The following NAA30 variants were observed in gnomAD, a reference collection of about 807,000 sequenced individuals.
The protein encoded by NAA30 is N-alpha-acetyltransferase 30.
NAA30 carries 5 observed loss-of-function variants against 31.4 expected under a neutral mutation model. That is an observed-to-expected ratio of 0.16 (90% confidence interval 0.08 to 0.33). The LOEUF is 0.33. Among genes scored for constraint, NAA30 ranks in the 10% least tolerant of loss-of-function variants. NAA30 has a pLI of 1.00. For synonymous variants in NAA30, 222 were observed against 207.1 expected (o/e 1.07, Z -0.62); for missense variants, 428 against 490.8 (o/e 0.87, Z 1.21).
At chr14:57,392,704 T>A (rs1462807365) in intron 2 of NAA30, among the ~76,000 whole-genome samples, 1 of 152,224 alleles carries the variant, frequency 6.6e-6, no homozygotes, top group African/African-American at 2.4e-5. Context: ...GACATCCTTT[T>A]AAGGAATATT....
At chr14:57,392,368 T>C in intron 2 of NAA30, among the ~76,000 whole-genome samples, 1 of 152,132 alleles carries the variant, frequency 6.6e-6, no homozygotes, top group Non-Finnish European at 1.5e-5. Flanking sequence ...AATACCCTTT[T>C]GTGGAATGTA....
At chr14:57,408,364 A>T (rs2066508976) in intron 4 of NAA30, among the ~76,000 whole-genome samples, 1 of 152,194 alleles carries the variant, frequency 6.6e-6, no homozygotes, top group Non-Finnish European at 1.5e-5. Flanking sequence ...AGGGTGTTAG[A>T]GGGAGGTAAA....
At position 57,404,278 on chromosome 14, in the gene NAA30, C is replaced by T. The variant is rs543302177; in HGVS notation, c.951+4395C>T. 1.3e-4 allele frequency among the ~76,000 whole-genome samples: 20 copies of T among 152,150 alleles called. No individual in the cohort carries two copies. The South Asian group carries it at 2.1e-3, about 16-fold the overall frequency. ...TGGAGGTTGCAGTGAGCCGAGATCG[C>T]GCCATTGCACTCCAGCCTGGGGGCC... On this transcript the variant is annotated intron_variant, in intron 4 of 4. Transcript: ENST00000556492.
chr14:57,407,979 G>C (rs1313231281), intron 4 of NAA30, among the ~76,000 whole-genome samples: 2 of 152,142 alleles, frequency 1.3e-5, no homozygotes, highest in African/African-American at 4.8e-5. Flanking sequence ...TGACTCCTGG[G>C]TTTCAGGTTT....
At chr14:57,392,285 G>T (rs1279843870) in intron 2 of NAA30, among the ~76,000 whole-genome samples, 2 of 152,100 alleles carry the variant, frequency 1.3e-5, no homozygotes, top group African/African-American at 4.8e-5. Flanking sequence ...TAGCCAGCCT[G>T]CTTTCTGGTA....
chr14:57,404,680 G>A (rs994107440), intron 4 of NAA30, among the ~76,000 whole-genome samples: 1 of 152,186 alleles, frequency 6.6e-6, no homozygotes, highest in African/African-American at 2.4e-5. Context: ...ACATGGCTGG[G>A]GAAGCCTCAA....
In NAA30 at chr14:57,391,386, T is replaced by C. The variant is rs749384592; in HGVS notation, c.429T>C (p.Ser143=). The part of the protein sequence containing the change: ...HSGERPPHSL[S]SNARTAVPSP... ...GCGAGAGGCCCCCTCACTCCCTCTCTAGTAATGCAAGAACTGCGGTCCCCA... is the reference window on the plus strand; with the variant it reads ...GCGAGAGGCCCCCTCACTCCCTCTCCAGTAATGCAAGAACTGCGGTCCCCA... Residue 143 remains serine, a synonymous_variant, in exon 2 of 5, where the codon TCT becomes TCC. Transcript: ENST00000556492. The surrounding 1 kb of genome is among the most constrained non-coding windows in gnomAD (Gnocchi z 4.1). 4.3e-6 allele frequency: 7 copies of C among 1,609,744 alleles called. No individual in the cohort carries two copies. The African/African-American group carries it at 8.0e-5, about 18-fold the overall frequency.
chr14:57,409,585 GA>G lies in NAA30; in HGVS notation c.*71del. The G allele has an allele frequency of 1.4e-6, 2 of 1,443,700 alleles. No individual in the cohort carries two copies. The highest frequency in any genetic ancestry group is 1.8e-6 in the Non-Finnish European group (2 of 1,082,416). The allele number at this position is 1,443,700 out of a possible 1,614,324, so 89.4% of individuals were successfully genotyped here. ...CTTTGCATGCAATGCAATTTGTACA[GA>G]ATTGCTTTGCAGGTGGATTTAGTAA... On this transcript the variant is annotated 3_prime_UTR_variant, in exon 5 of 5. Transcript: ENST00000556492.
chr14:57,392,660 A>G (rs897000580), intron 2 of NAA30, among the ~76,000 whole-genome samples: 1 of 152,228 alleles, frequency 6.6e-6, no homozygotes, highest in Non-Finnish European at 1.5e-5. Flanking sequence ...GCTCACAAGC[A>G]TATTGTTTCT....
intron 4 of NAA30, among the ~76,000 whole-genome samples, chr14:57,404,994 A>G (rs1345370436): frequency 6.6e-6 from 1 of 152,112 alleles, no homozygotes; most frequent in Non-Finnish European, 1.5e-5. Context: ...TATTTTTACT[A>G]GACAGTTTCT....
Position 57,409,627 on chromosome 14 carries a change from T to TA in NAA30, c.*112dup. 9.6e-7 allele frequency: 1 copy of TA among 1,038,016 alleles called. No individual in the cohort carries two copies. Among genetic ancestry groups the TA allele is most frequent in the Non-Finnish European group, 1.3e-6 (1 of 742,164 alleles). The allele number at this position is 1,038,016 out of a possible 1,614,324, so 64.3% of individuals were successfully genotyped here. ...GATTTAGTAATTTCCATGCAGCTCTTACCTGTCAGTGTCTCATTGAGTGTC... is the reference window on the plus strand; with the variant it reads ...GATTTAGTAATTTCCATGCAGCTCTTAACCTGTCAGTGTCTCATTGAGTGTC... On this transcript the variant is annotated 3_prime_UTR_variant, in exon 5 of 5. Coordinates refer to ENST00000556492, the MANE Select transcript of NAA30 (RefSeq NM_001011713.3).
Position 57,391,260 on chromosome 14 carries a change from C to T in NAA30, c.303C>T (p.Leu101=). Residue 101 remains leucine (L), a synonymous_variant, in exon 2 of 5, where the codon CTC becomes CTT. Coordinates refer to ENST00000556492, the MANE Select transcript of NAA30 (RefSeq NM_001011713.3). The surrounding 1 kb of genome is among the most constrained non-coding windows in gnomAD (Gnocchi z 4.1). The part of the protein sequence containing the change: ...ELRHLRAAAS[L]KSKVLSVAEV... ...GGCACCTCCGGGCGGCCGCCTCCCTCAAGAGCAAGGTCCTGAGCGTAGCAG... is the reference window on the plus strand; with the variant it reads ...GGCACCTCCGGGCGGCCGCCTCCCTTAAGAGCAAGGTCCTGAGCGTAGCAG... 1 of 1,612,088 alleles carries T rather than the reference C, an allele frequency of 6.2e-7. No individual in the cohort carries two copies. Among genetic ancestry groups the T allele is most frequent in the Non-Finnish European group, 8.5e-7 (1 of 1,179,708 alleles).
chr14:57,415,706 C>T lies in NAA30; in HGVS notation c.*6190C>T, dbSNP rs140214219. ...CTAACATGTAGGGGATTGATCATTGCGATGTTTAGGCCAGGATTTCTCATG... is the reference window on the plus strand; with the variant it reads ...CTAACATGTAGGGGATTGATCATTGTGATGTTTAGGCCAGGATTTCTCATG... On this transcript the variant is annotated 3_prime_UTR_variant, in exon 5 of 5. Coordinates refer to ENST00000556492, the MANE Select transcript of NAA30 (RefSeq NM_001011713.3). 9 of 152,086 alleles carry T rather than the reference C, an allele frequency of 5.9e-5. No individual in the cohort carries two copies. The highest frequency in any genetic ancestry group is 1.9e-4 in the African/African-American group (8 of 41,476). The allele number at this position is 152,086 out of a possible 1,614,324, so 9.4% of individuals were successfully genotyped here. A position where few individuals can be genotyped will look rare whatever the true frequency, so the allele number is the denominator to read the frequency against.
chr14:57,395,887 A>AT (rs146432849), intron 2 of NAA30, among the ~76,000 whole-genome samples: 9 of 151,608 alleles, frequency 5.9e-5, no homozygotes, highest in Admixed American at 4.6e-4. Flanking sequence ...AAAATTTTTA[A>AT]TTTTTTTTTC....
chr14:57,394,269 T>C (rs751879380), intron 2 of NAA30, among the ~76,000 whole-genome samples: 18 of 152,174 alleles, frequency 1.2e-4, no homozygotes, highest in African/African-American at 2.4e-4. Context: ...TACTTCCATT[T>C]ATTTGTTCTA....
Position 57,391,570 on chromosome 14 carries a change from G to T in NAA30, c.613G>T (p.Val205Phe). 2 of 1,614,212 alleles carry T rather than the reference G, an allele frequency of 1.2e-6. No homozygotes were observed. The highest frequency in any genetic ancestry group is 1.7e-6 in the Non-Finnish European group (2 of 1,180,040). ...CTTAAGAAGCCCTTCGGGCAGGGAGGTTGAGCCTGGGGAGGATCGGACGAT... is the reference window on the plus strand; with the variant it reads ...CTTAAGAAGCCCTTCGGGCAGGGAGTTTGAGCCTGGGGAGGATCGGACGAT... ...CSLRSPSGRE[V>F]EPGEDRTIRY... Residue 205 changes from valine (V) to phenylalanine (F), a missense_variant, in exon 2 of 5, where the codon GTT (valine) becomes TTT (phenylalanine). Transcript: ENST00000556492. The surrounding 1 kb of genome is among the most constrained non-coding windows in gnomAD (Gnocchi z 4.1).
rs2066428601 is a variant in NAA30, at chr14:57,391,585, G to A, written c.628G>A (p.Asp210Asn). 6.2e-7 allele frequency: 1 copy of A among 1,614,242 alleles called. No individual in the cohort carries two copies. The highest frequency in any genetic ancestry group is 8.5e-7 in the Non-Finnish European group (1 of 1,180,046). Residue 210 changes from aspartate to asparagine, a missense_variant, in exon 2 of 5, where the codon GAT becomes AAT. By Grantham distance (23) the Asp-to-Asn change is conservative. This residue lies in a region of NAA30 where 349 missense variants were observed against 310.4 expected (regional missense o/e 1.12). Coordinates refer to ENST00000556492, the MANE Select transcript of NAA30 (RefSeq NM_001011713.3). This position sits in a 1 kb window ranked among gnomAD's most constrained non-coding sequence, Gnocchi z 4.1. ...PSGREVEPGE[D>N]RTIRYVRYES... ...GGGCAGGGAGGTTGAGCCTGGGGAG[G>A]ATCGGACGATACGATATGTCCGATA...
rs376179677 is a variant in NAA30 at position 57,390,972 on chromosome 14, G to A, written c.15G>A (p.Pro5=). 4.6e-5 allele frequency: 68 copies of A among 1,483,830 alleles called. No homozygotes were observed. The South Asian group carries it at 8.3e-4, about 18-fold the overall frequency. 91.9% of individuals were successfully genotyped at this position (1,483,830 alleles called of 1,614,324 possible). A position where few individuals can be genotyped will look rare whatever the true frequency, so the allele number is the denominator to read the frequency against. Residue 5 remains proline (P), a synonymous_variant, in exon 2 of 5, where the codon CCG becomes CCA. Transcript: ENST00000556492. ...TCGCTTCTAGGATGGCGGAGGTACCGCCTGGGCCTAGCAGCCTCCTCCCAC... is the reference window on the plus strand; with the variant it reads ...TCGCTTCTAGGATGGCGGAGGTACCACCTGGGCCTAGCAGCCTCCTCCCAC... MAEV[P]PGPSSLLPPP... is the part of the protein sequence containing the mutation.
rs908395700 is a variant in NAA30, at chr14:57,414,488, T to G, written c.*4972T>G. 1 of 152,208 alleles carries G rather than the reference T, an allele frequency of 6.6e-6. No homozygotes were observed. Among genetic ancestry groups the G allele is most frequent in the African/African-American group, 2.4e-5 (1 of 41,444 alleles). The allele number at this position is 152,208 out of a possible 1,614,324, so 9.4% of individuals were successfully genotyped here. ...CTTACCTTTTTAGCCTTAAAATATTTGTATAGTTGGCTCTAATAATTTCTC... is the reference window on the plus strand; with the variant it reads ...CTTACCTTTTTAGCCTTAAAATATTGGTATAGTTGGCTCTAATAATTTCTC... On this transcript the variant is annotated 3_prime_UTR_variant, in exon 5 of 5. Coordinates refer to ENST00000556492, the MANE Select transcript of NAA30 (RefSeq NM_001011713.3).
Sources: gnomAD v4.1 joint callset for allele counts (sites outside exome capture counted in the v4.1 genomes callset) on GRCh38, gnomAD v4.1.1 for gene constraint, gnomAD v4.1.1 regional missense constraint, Gnocchi (gnomAD v3.1) non-coding constraint, MANE v1.5 for transcripts, NCBI Gene and HGNC (gene_info 2026-07-23, HGNC 2026-07-21) for gene names.